Variants in NAV3 observed in about 807,000 individuals in gnomAD.
The protein encoded by NAV3 is pore membrane and/or filament interacting like protein 1.
Under a neutral mutation model 244.7 loss-of-function variants are expected in NAV3, and 87 were observed. The observed-to-expected ratio is 0.36, with a 90% CI of 0.30 to 0.42. The LOEUF is 0.42. Ranked by LOEUF, NAV3 falls within the 20% of genes least tolerant of loss-of-function variation. The pLI is 1.00. For missense variants in NAV3, 2,663 were observed against 2,893.3 expected (o/e 0.92, Z 1.83); for synonymous variants, 1,126 against 1,042.2 (o/e 1.08, Z -1.55).
chr12:78,042,210 T>G (rs1880980904), intron 9 of NAV3, among the ~76,000 whole-genome samples: 1 of 152,260 alleles, frequency 6.6e-6, no homozygotes, highest in Non-Finnish European at 1.5e-5. Context: ...GGTCACTAGC[T>G]TGGGGAAGTA....
At chr12:77,985,151 G>A (rs1044268046) in intron 5 of NAV3, among the ~76,000 whole-genome samples, 22 of 152,082 alleles carry the variant, frequency 1.4e-4, no homozygotes, top group African/African-American at 5.3e-4. Context: ...TAGTATACAT[G>A]GTTTTAGGGG....
intron 23 of NAV3, 129 bp downstream of exon 23, chr12:78,159,415 C>T (rs1593839274): frequency 2.5e-6 from 2 of 802,796 alleles, no homozygotes; most frequent in Admixed American, 2.9e-5. Context: ...TGTAATCTCA[C>T]CACTTTGGGA....
intron 12 of NAV3, among the ~76,000 whole-genome samples, chr12:78,091,952 G>T (rs1165422002): frequency 6.6e-6 from 1 of 152,054 alleles, no homozygotes; most frequent in African/African-American, 2.4e-5. Context: ...AAATTAAAGA[G>T]TTGTCATAAT....
At chr12:78,018,500 TC>T (rs1412336825) in intron 8 of NAV3, among the ~76,000 whole-genome samples, 2 of 152,228 alleles carry the variant, frequency 1.3e-5, no homozygotes, top group Admixed American at 6.5e-5. Context: ...GGAGATAGAA[TC>T]TTTTTTAACT....
At chr12:77,812,843 T>A (rs1872358382) in intron 2 of NAV3, among the ~76,000 whole-genome samples, 1 of 152,118 alleles carries the variant, frequency 6.6e-6, no homozygotes, top group Non-Finnish European at 1.5e-5. Context: ...TTAATTAGTT[T>A]AGAGACAGAG....
At chr12:77,584,640 G>C (rs1592475028) in intron 2 of NAV3, among the ~76,000 whole-genome samples, 1 of 151,958 alleles carries the variant, frequency 6.6e-6, no homozygotes, top group Non-Finnish European at 1.5e-5. Flanking sequence ...AAAAATGACA[G>C]GTTTAAATGT....
chr12:77,803,757 G>C (rs183911752), intron 2 of NAV3, among the ~76,000 whole-genome samples: 2 of 152,238 alleles, frequency 1.3e-5, no homozygotes, highest in South Asian at 2.1e-4. Context: ...GTGTAAAAGC[G>C]TTTATATTTC....
At chr12:77,585,257 C>A (rs1869547041) in intron 2 of NAV3, among the ~76,000 whole-genome samples, 2 of 152,154 alleles carry the variant, frequency 1.3e-5, no homozygotes, top group African/African-American at 4.8e-5. Flanking sequence ...CACATAACCA[C>A]CTCCAAGGTA....
chr12:77,889,825 A>C (rs1883723857), intron 1 of NAV3, among the ~76,000 whole-genome samples: 1 of 152,206 alleles, frequency 6.6e-6, no homozygotes, highest in Non-Finnish European at 1.5e-5. Context: ...TTAGCATAAG[A>C]AAATATGTCC....
At chr12:77,840,978 T>C (rs542362809) in intron 1 of NAV3, among the ~76,000 whole-genome samples, 26 of 152,368 alleles carry the variant, frequency 1.7e-4, no homozygotes, top group African/African-American at 6.3e-4. Context: ...GAATTAATCT[T>C]TGACAAATTT....
chr12:78,027,555 G>T (rs937857009), intron 9 of NAV3, among the ~76,000 whole-genome samples: 3 of 152,174 alleles, frequency 2.0e-5, no homozygotes, highest in South Asian at 2.1e-4. Flanking sequence ...AAGTTTTTGT[G>T]TGGTGACATA....
At chr12:77,715,405 C>T (rs770545) in intron 2 of NAV3, among the ~76,000 whole-genome samples, 123,515 of 151,692 alleles carry the variant, frequency 0.81, 52,814 homozygotes, top group East Asian at 1. Flanking sequence ...GCTTTTTCAA[C>T]ATGAATGTCT....
chr12:78,054,138 A>G (rs1200832505), intron 11 of NAV3, among the ~76,000 whole-genome samples: 1 of 152,232 alleles, frequency 6.6e-6, no homozygotes, highest in Non-Finnish European at 1.5e-5. Flanking sequence ...AGTGAATAAG[A>G]AAAAGAAACA....
chr12:77,770,849 A>C (rs575409527), intron 2 of NAV3, among the ~76,000 whole-genome samples: 9 of 152,356 alleles, frequency 5.9e-5, no homozygotes, highest in African/African-American at 1.9e-4. Flanking sequence ...GGAAATAAGC[A>C]TGGGCAAGGA....
At chr12:77,631,197 T>C (rs1057047526) in intron 2 of NAV3, among the ~76,000 whole-genome samples, 3 of 152,250 alleles carry the variant, frequency 2.0e-5, no homozygotes, top group East Asian at 1.9e-4. Flanking sequence ...CTGAATAAAT[T>C]TTAATGAATT....
chr12:77,941,189 T>C (rs1889836013), intron 3 of NAV3, 56 bp downstream of exon 3: 1 of 1,084,714 alleles, frequency 9.2e-7, no homozygotes, highest in Non-Finnish European at 1.4e-6. Flanking sequence ...CCAGAATTAA[T>C]TGCATTTGTA....
chr12:77,977,680 A>G lies in NAV3; in HGVS notation c.671+8978A>G, dbSNP rs963752063. ...ATCAATAAGAGTGTTTAGATAGGAG[A>G]TATATATATACACACACACACACAC... On this transcript the variant is annotated intron_variant, in intron 5 of 39. Transcript: ENST00000397909. Among the ~76,000 whole-genome samples, 37 of 106,194 alleles carry G rather than the reference A, an allele frequency of 3.5e-4. No individual in the cohort carries two copies. The East Asian group carries it at 5.5e-3, about 16-fold the overall frequency. The allele number at this position is 106,194 out of a possible 152,430, so 69.7% of individuals were successfully genotyped here. A position where few individuals can be genotyped will look rare whatever the true frequency, so the allele number is the denominator to read the frequency against.
intron 2 of NAV3, among the ~76,000 whole-genome samples, chr12:77,684,256 T>A (rs1011522532): frequency 7.8e-6 from 1 of 127,948 alleles, no homozygotes; most frequent in Non-Finnish European, 1.6e-5. Flanking sequence ...CCCAAGTCTT[T>A]TGCCCATTTT....
chr12:78,128,665 T>A (rs781436138), intron 17 of NAV3, 41 bp from the exon 18 acceptor site: 1 of 1,591,880 alleles, frequency 6.3e-7, no homozygotes, highest in Non-Finnish European at 8.6e-7. Flanking sequence ...TGCCTTGCCC[T>A]TGTAGATGTG....
Sources: allele counts gnomAD v4.1 joint callset (sites outside exome capture counted in the v4.1 genomes callset), GRCh38; gene constraint gnomAD v4.1.1; transcripts MANE v1.5; gene names NCBI Gene and HGNC (gene_info 2026-07-23, HGNC 2026-07-21).